BICC1: variants seen among roughly 807,000 people sequenced by gnomAD.
The protein encoded by BICC1 is BicC family RNA binding protein 1, also known as protein bicaudal C homolog 1.
Under a neutral mutation model 111.0 loss-of-function variants are expected in BICC1, and 43 were observed. The observed-to-expected ratio is 0.39, with a 90% CI of 0.30 to 0.50. The LOEUF is 0.50. Among genes scored for constraint, BICC1 ranks in the 20% least tolerant of loss-of-function variants. The pLI, the probability that BICC1 is intolerant of heterozygous loss-of-function variation, is 0.88. For synonymous variants in BICC1, 467 were observed against 434.4 expected (o/e 1.07, Z -0.93); for missense variants, 1,091 against 1,203.2 (o/e 0.91, Z 1.38).
At chr10:58,569,495 GC>G (rs1843877718) in intron 1 of BICC1, among the ~76,000 whole-genome samples, 1 of 152,062 alleles carries the variant, frequency 6.6e-6, no homozygotes, top group African/African-American at 2.4e-5. Flanking sequence ...GCACCCATCA[GC>G]CCATCATCTA....
intron 2 of BICC1, among the ~76,000 whole-genome samples, chr10:58,688,073 T>A (rs543624760): frequency 6.6e-6 from 1 of 152,174 alleles, no homozygotes; most frequent in African/African-American, 2.4e-5. Context: ...ACTTCACGAG[T>A]GAAGCTGCAG....
chr10:58,647,498 A>G (rs1429901154), intron 2 of BICC1, among the ~76,000 whole-genome samples: 1 of 152,200 alleles, frequency 6.6e-6, no homozygotes, highest in African/African-American at 2.4e-5. Flanking sequence ...ATAAAATGCT[A>G]CTTATCTGGA....
chr10:58,718,939 T>G (rs1196192690), intron 3 of BICC1, among the ~76,000 whole-genome samples: 1 of 152,194 alleles, frequency 6.6e-6, no homozygotes, highest in Admixed American at 6.5e-5. Flanking sequence ...TTTATTTCTA[T>G]GTGTTGGGAT....
intron 3 of BICC1, among the ~76,000 whole-genome samples, chr10:58,715,022 C>T (rs1840694019): frequency 1.3e-5 from 2 of 151,612 alleles, no homozygotes; most frequent in East Asian, 1.9e-4. Context: ...GAGCCAAGAT[C>T]TAACCACTGC....
chr10:58,746,411 C>G (rs557194657), intron 3 of BICC1, among the ~76,000 whole-genome samples: 3 of 152,238 alleles, frequency 2.0e-5, no homozygotes, highest in South Asian at 4.1e-4. Flanking sequence ...CAAGGTGTCT[C>G]TGAATATTTG....
chr10:58,612,689 G>C (rs566130584), intron 1 of BICC1, among the ~76,000 whole-genome samples: 2 of 151,864 alleles, frequency 1.3e-5, no homozygotes, highest in South Asian at 4.2e-4. Flanking sequence ...TTTGAACTTG[G>C]TATTTTCTTG....
chr10:58,699,933 C>T (rs899599680), intron 2 of BICC1, among the ~76,000 whole-genome samples: 7 of 152,172 alleles, frequency 4.6e-5, no homozygotes, highest in African/African-American at 1.4e-4. Context: ...CTCAAGCAAT[C>T]CTCCTGCCTC....
chr10:58,557,410 A>T (rs369662433), intron 1 of BICC1, among the ~76,000 whole-genome samples: 1 of 149,898 alleles, frequency 6.7e-6, no homozygotes, highest in Non-Finnish European at 1.5e-5. Flanking sequence ...TATTGTTTTC[A>T]TTAGATTTGG....
At chr10:58,518,253 A>T (rs1842294919) in intron 1 of BICC1, among the ~76,000 whole-genome samples, 1 of 152,148 alleles carries the variant, frequency 6.6e-6, no homozygotes, top group Non-Finnish European at 1.5e-5. Context: ...TTCTGGTTGT[A>T]AGTTGCTCTG....
rs188652955 is a variant in BICC1 at position 58,642,797 on chromosome 10, T to C, written c.237+21896T>C. Among the ~76,000 whole-genome samples the C allele has an allele frequency of 2.6e-3, 399 of 152,056 alleles. 3 individuals carry two copies. The highest frequency in any genetic ancestry group is 8.9e-3 in the African/African-American group (368 of 41,376). On this transcript the variant is annotated intron_variant, in intron 2 of 20. Coordinates refer to ENST00000373886, the MANE Select transcript of BICC1 (RefSeq NM_001080512.3). ...ACGGCTTACTGCAGTCTTGACCTCC[T>C]GGGCTTAGGCAATTCTCCCCACTCA...
chr10:58,555,567 G>A (rs991598839), intron 1 of BICC1, among the ~76,000 whole-genome samples: 2 of 152,180 alleles, frequency 1.3e-5, no homozygotes, highest in Non-Finnish European at 1.5e-5. Flanking sequence ...GCAGATCAGC[G>A]TTCTTATCTC....
chr10:58,543,983 A>G (rs1312140812), intron 1 of BICC1, among the ~76,000 whole-genome samples: 3 of 152,082 alleles, frequency 2.0e-5, no homozygotes, highest in Admixed American at 1.3e-4. Context: ...AGTGTCAGTT[A>G]TGACACTTGA....
At chr10:58,754,601 T>C (rs1056344774) in intron 3 of BICC1, among the ~76,000 whole-genome samples, 1 of 152,178 alleles carries the variant, frequency 6.6e-6, no homozygotes, top group African/African-American at 2.4e-5. Flanking sequence ...GCTCAGTACA[T>C]GCCTCACACG....
chr10:58,798,504 G>A lies in BICC1; in HGVS notation c.1472G>A (p.Gly491Asp). Residue 491 changes from glycine (G) to aspartate (D), a missense_variant, in exon 11 of 21, where the codon GGT becomes GAT. By Grantham distance (94) the Gly-to-Asp change is moderately conservative. Transcript: ENST00000373886. ...SVSPLQSPSS[G>D]TPSPTLWAPP... ...AGTCCTTTGCAAAGTCCAAGTTCTGGTACACCCAGCCCCACATTATGGGCA... is the reference window on the plus strand; with the variant it reads ...AGTCCTTTGCAAAGTCCAAGTTCTGATACACCCAGCCCCACATTATGGGCA... 6.2e-7 allele frequency: 1 copy of A among 1,612,844 alleles called. No homozygotes were observed. Among genetic ancestry groups the A allele is most frequent in the East Asian group, 2.2e-5 (1 of 44,760 alleles).
chr10:58,564,317 G>A (rs1843692901), intron 1 of BICC1, among the ~76,000 whole-genome samples: 1 of 152,190 alleles, frequency 6.6e-6, no homozygotes, highest in Non-Finnish European at 1.5e-5. Context: ...GAGGCTTGAA[G>A]TGCTTGCTGA....
chr10:58,549,253 G>A (rs1264533555), intron 1 of BICC1, among the ~76,000 whole-genome samples: 1 of 151,962 alleles, frequency 6.6e-6, no homozygotes, highest in Admixed American at 6.6e-5. Flanking sequence ...GTATAAATAA[G>A]ACTTCTATAA....
intron 2 of BICC1, among the ~76,000 whole-genome samples, chr10:58,666,750 A>G (rs916190291): frequency 1.3e-5 from 2 of 152,168 alleles, no homozygotes; most frequent in South Asian, 2.1e-4. Flanking sequence ...CAGAAAACCA[A>G]TCTACCTAAA....
chr10:58,539,997 T>G (rs1842920275), intron 1 of BICC1, among the ~76,000 whole-genome samples: 1 of 151,852 alleles, frequency 6.6e-6, no homozygotes. Flanking sequence ...CACAAATATG[T>G]GGAAATTAAA....
chr10:58,682,662 G>A (rs1487173540), intron 2 of BICC1, among the ~76,000 whole-genome samples: 2 of 152,152 alleles, frequency 1.3e-5, no homozygotes, highest in Non-Finnish European at 2.9e-5. Flanking sequence ...TGTTTCATGT[G>A]TCTGCATAAA....
Sources: gnomAD v4.1 joint callset for allele counts (sites outside exome capture counted in the v4.1 genomes callset) on GRCh38, gnomAD v4.1.1 for gene constraint, MANE v1.5 for transcripts, NCBI Gene and HGNC (gene_info 2026-07-23, HGNC 2026-07-21) for gene names.